Variants in THSD7B observed in about 807,000 individuals in gnomAD.
THSD7B encodes the protein thrombospondin type-1 domain-containing protein 7B.
Under a neutral mutation model 213.6 loss-of-function variants are expected in THSD7B, and 138 were observed. The observed-to-expected ratio is 0.65, with a 90% confidence interval of 0.56 to 0.74. The LOEUF is 0.74. THSD7B is among the 30% of genes least tolerant of loss of function. The probability of loss-of-function intolerance (pLI) is 0.00; values close to 1 mark genes in which losing one functional copy is unlikely to be tolerated. For synonymous variants in THSD7B, 742 were observed against 687.0 expected, an observed-to-expected ratio of 1.08 and a Z score of -1.25; for missense variants, 1,931 against 1,991.5, an observed-to-expected ratio of 0.97 and a Z score of 0.58.
intron 1 of THSD7B, among the ~76,000 whole-genome samples, chr2:136,807,892 T>C (rs551246916): frequency 6.6e-6 from 1 of 152,336 alleles, no homozygotes; most frequent in South Asian, 2.1e-4. Context: ...TGTTGAACAG[T>C]AGTAAAAACT....
At chr2:137,557,528 C>A (rs925770095) in intron 15 of THSD7B, among the ~76,000 whole-genome samples, 1 of 151,956 alleles carries the variant, frequency 6.6e-6, no homozygotes, top group Non-Finnish European at 1.5e-5. Context: ...AGAACAAAGA[C>A]ACAACATACC....
intron 27 of THSD7B, among the ~76,000 whole-genome samples, chr2:137,671,260 AAAG>A (rs2104830721): frequency 6.8e-6 from 1 of 146,856 alleles, no homozygotes; most frequent in Non-Finnish European, 1.5e-5. Flanking sequence ...AAAAAAAAAA[AAAG>A]CTTGTGGTAT....
intron 1 of THSD7B, among the ~76,000 whole-genome samples, chr2:136,857,309 G>A (rs1263895509): frequency 1.3e-5 from 2 of 152,152 alleles, no homozygotes; most frequent in Non-Finnish European, 1.5e-5. Context: ...GGCCACCCTG[G>A]ACTCAGGCTT....
chr2:137,342,395 GT>G (rs59371207), intron 12 of THSD7B, among the ~76,000 whole-genome samples: 136,836 of 150,336 alleles, frequency 0.91, 62,922 homozygotes, highest in Non-Finnish European at 0.98. Context: ...TCTAACAGGG[GT>G]TTTTTTTTTG....
chr2:137,140,405 A>G lies in THSD7B; in HGVS notation c.1370-19808A>G, dbSNP rs539229384. Among the ~76,000 whole-genome samples the G allele has an allele frequency of 9.7e-4, 148 of 152,254 alleles. No homozygotes were observed. In the Middle Eastern group the frequency reaches 0.01, roughly 10 times the overall value. ...ATAATGTTGAGGGGAACGTCTTTCT[A>G]TGCCTTTGTTCAAATGTCAATATTT... On this transcript the variant is annotated intron_variant, in intron 5 of 27. Coordinates refer to ENST00000409968, the MANE Select transcript of THSD7B (RefSeq NM_001316349.2).
chr2:136,953,855 A>G (rs1055487378), intron 2 of THSD7B, among the ~76,000 whole-genome samples: 1 of 152,212 alleles, frequency 6.6e-6, no homozygotes, highest in East Asian at 1.9e-4. Flanking sequence ...CGAGGTACTT[A>G]AGAGTCATTA....
chr2:136,807,101 T>C (rs1337065843), intron 1 of THSD7B, among the ~76,000 whole-genome samples: 1 of 152,206 alleles, frequency 6.6e-6, no homozygotes, highest in Non-Finnish European at 1.5e-5. Context: ...GCTAGGGTAG[T>C]GCTGGGAGGC....
chr2:136,831,375 T>A (rs1682752800), intron 1 of THSD7B, among the ~76,000 whole-genome samples: 1 of 152,158 alleles, frequency 6.6e-6, no homozygotes. Flanking sequence ...GGTTTATGAA[T>A]GAGAAAACAG....
chr2:137,672,284 G>A (rs1482870788), intron 27 of THSD7B, among the ~76,000 whole-genome samples: 1 of 152,124 alleles, frequency 6.6e-6, no homozygotes, highest in African/African-American at 2.4e-5. Context: ...TTGATCCGTA[G>A]TGAAATTATA....
intron 16 of THSD7B, among the ~76,000 whole-genome samples, chr2:137,563,774 G>A (rs1046438836): frequency 2.6e-5 from 4 of 152,142 alleles, no homozygotes; most frequent in Non-Finnish European, 5.9e-5. Context: ...TAAACCCCAT[G>A]ATTAGCCTTG....
At chr2:137,156,155 C>G (rs1679905578) in intron 5 of THSD7B, 1 of 152,184 alleles carries the variant, frequency 6.6e-6, no homozygotes, top group South Asian at 2.1e-4. Flanking sequence ...TTTTACTCTT[C>G]TCTGGAAGAT....
chr2:137,170,750 C>G lies in THSD7B; in HGVS notation c.1535C>G (p.Thr512Arg). 2 of 1,611,090 alleles carry G rather than the reference C, an allele frequency of 1.2e-6. No individual in the cohort carries two copies. Among genetic ancestry groups the G allele is most frequent in the Non-Finnish European group, 1.7e-6 (2 of 1,178,114 alleles). The part of the protein sequence containing the change: ...HDPQGKKGFR[T>R]RQRHVLMEST... ...TTCTCTCTCTTTTTAGGATTTAGAA[C>G]GAGGCAGCGCCATGTCCTCATGGAA... The change falls in exon 7 of 28, where the codon ACG (threonine) becomes AGG (arginine). Residue 512 changes from threonine (T) to arginine (R), a missense_variant. Physicochemically the swap from Thr to Arg is moderately conservative, Grantham distance 71. Transcript: ENST00000409968.
At chr2:136,945,536 G>T (rs184405639) in intron 2 of THSD7B, among the ~76,000 whole-genome samples, 1 of 152,114 alleles carries the variant, frequency 6.6e-6, no homozygotes, top group South Asian at 2.1e-4. Flanking sequence ...GGTTGGGAAA[G>T]TTCTCCTGGA....
chr2:137,101,573 G>A (rs13399687), intron 4 of THSD7B, among the ~76,000 whole-genome samples: 3,063 of 152,256 alleles, frequency 0.02, 109 homozygotes, highest in African/African-American at 0.068. Flanking sequence ...GGCTGAAGGC[G>A]GGGAGCCAAG....
At position 136,786,233 on chromosome 2, in the gene THSD7B, ATCTG is replaced by A. The variant is rs780110601; in HGVS notation, c.-36+20553_-36+20556del. On this transcript the variant is annotated intron_variant, in intron 1 of 27. Transcript: ENST00000409968. Reference sequence around the variant, plus strand: ...AACACTTTAGTGTATATTCACTTTGATCTGTCTGTCGGTATACATATATGTATAT... The same window carrying A: ...AACACTTTAGTGTATATTCACTTTGATCTGTCGGTATACATATATGTATAT... Among the ~76,000 whole-genome samples, 6 of 152,286 alleles carry A rather than the reference ATCTG, an allele frequency of 3.9e-5. No homozygotes were observed. The East Asian group carries it at 9.7e-4, about 24-fold the overall frequency.
At chr2:136,818,843 G>T (rs1682525359) in intron 1 of THSD7B, among the ~76,000 whole-genome samples, 1 of 151,938 alleles carries the variant, frequency 6.6e-6, no homozygotes, top group African/African-American at 2.4e-5. Context: ...ACTGGATTTG[G>T]TGGCTTATAA....
intron 12 of THSD7B, among the ~76,000 whole-genome samples, chr2:137,297,684 A>G (rs1025995571): frequency 1.9e-4 from 29 of 152,158 alleles, no homozygotes; most frequent in Admixed American, 1.7e-3. Context: ...TAATTGAATC[A>G]TGGGGGACAG....
At chr2:136,961,644 G>A (rs1685221956) in intron 2 of THSD7B, among the ~76,000 whole-genome samples, 1 of 152,088 alleles carries the variant, frequency 6.6e-6, no homozygotes. Flanking sequence ...GAAACAAGGA[G>A]GAACTTATTA....
chr2:137,296,655 G>A lies in THSD7B; in HGVS notation c.2500+20629G>A, dbSNP rs1271277793. Among the ~76,000 whole-genome samples the A allele has an allele frequency of 3.3e-5, 5 of 152,086 alleles. No individual in the cohort carries two copies. The South Asian group carries it at 8.4e-4, about 25-fold the overall frequency. On this transcript the variant is annotated intron_variant, in intron 12 of 27. Transcript: ENST00000409968. ...GAATGCTAAATGACAGTTTTTACAA[G>A]CAAATACTCCACACATGTAGTTTGA...
Sources: gnomAD v4.1 joint callset for allele counts (sites outside exome capture counted in the v4.1 genomes callset) on GRCh38, gnomAD v4.1.1 for gene constraint, MANE v1.5 for transcripts, NCBI Gene and HGNC (gene_info 2026-07-23, HGNC 2026-07-21) for gene names.